The following AGPAT4 variants were observed in gnomAD, a reference collection of about 807,000 sequenced individuals.
The protein encoded by AGPAT4 is 1-acyl-sn-glycerol-3-phosphate acyltransferase delta.
Under a neutral mutation model 48.0 loss-of-function variants are expected in AGPAT4, and 15 were observed. The ratio of observed to expected loss-of-function variants is 0.31; its 90% CI spans 0.21 to 0.48. AGPAT4 has a LOEUF of 0.48. Ranked by LOEUF, AGPAT4 falls within the 20% of genes least tolerant of loss-of-function variation. The pLI, the probability that AGPAT4 is intolerant of heterozygous loss-of-function variation, is 0.99. For missense variants in AGPAT4, 314 were observed against 482.5 expected, an observed-to-expected ratio of 0.65 and a Z score of 3.27; for synonymous variants, 178 against 198.7, an observed-to-expected ratio of 0.90 and a Z score of 0.88.
chr6:161,257,764 C>T (rs1014951101), intron 1 of AGPAT4, among the ~76,000 whole-genome samples: 1 of 152,152 alleles, frequency 6.6e-6, no homozygotes, highest in Admixed American at 6.5e-5. Context: ...GGAAAGACAG[C>T]GTTAGTCCCA....
rs1781710535 is a variant in AGPAT4, at chr6:161,218,243, G to A, written c.178+13793C>T. ...TCTTGTGTGGCAGGGGAGGCAGTAG[G>A]TGGGAGGAAAAAAAGCCCTGATTTA... On this transcript the variant is annotated intron_variant, in intron 2 of 8. Transcript: ENST00000320285. This position sits in a 1 kb window ranked among gnomAD's most constrained non-coding sequence, Gnocchi z 4.7. Among the ~76,000 whole-genome samples, 1 of 152,270 alleles carries A rather than the reference G, an allele frequency of 6.6e-6. No homozygotes were observed. The highest frequency in any genetic ancestry group is 1.5e-5 in the Non-Finnish European group (1 of 68,020).
intron 5 of AGPAT4, among the ~76,000 whole-genome samples, chr6:161,152,036 T>C (rs894794901): frequency 1.3e-5 from 2 of 151,790 alleles, no homozygotes; most frequent in Non-Finnish European, 2.9e-5. Context: ...GCTGGCCCGG[T>C]GGGCCCTCGG....
intron 3 of AGPAT4, chr6:161,160,916 T>C (rs1321075931): frequency 6.9e-6 from 3 of 436,102 alleles, no homozygotes; most frequent in South Asian, 3.2e-5. Flanking sequence ...ATAGGAGCGA[T>C]TGGCCTCGCC....
Position 161,143,072 on chromosome 6 carries a change from C to T in AGPAT4, c.843+3452G>A, listed in dbSNP as rs10945718. Among the ~76,000 whole-genome samples, 27,781 of 152,076 alleles carry T rather than the reference C, an allele frequency of 0.18. 4,098 individuals are homozygous for T. Among genetic ancestry groups the T allele is most frequent in the African/African-American group, 0.41 (16,977 of 41,430 alleles). On this transcript the variant is annotated intron_variant, in intron 7 of 8. Transcript: ENST00000320285. The surrounding 1 kb of genome is among the most constrained non-coding windows in gnomAD (Gnocchi z 4.7). ...CAGGACGGCTCTGAATGTAGCTGTCCTTCACTTATTTCTCTTTAGAGACAG... is the reference window on the plus strand; with the variant it reads ...CAGGACGGCTCTGAATGTAGCTGTCTTTCACTTATTTCTCTTTAGAGACAG...
intron 1 of AGPAT4, among the ~76,000 whole-genome samples, chr6:161,269,665 C>T (rs1001945938): frequency 1.3e-5 from 2 of 152,068 alleles, no homozygotes; most frequent in Non-Finnish European, 2.9e-5. Context: ...AAAGTCATAC[C>T]CCCATGGTTT....
chr6:161,185,560 C>T (rs1339250206), intron 2 of AGPAT4, among the ~76,000 whole-genome samples: 1 of 152,142 alleles, frequency 6.6e-6, no homozygotes, highest in Non-Finnish European at 1.5e-5. Flanking sequence ...TCAATCAACT[C>T]GATACCTGCC....
intron 2 of AGPAT4, among the ~76,000 whole-genome samples, chr6:161,174,636 A>C (rs1323007157): frequency 6.6e-6 from 1 of 151,862 alleles, no homozygotes; most frequent in Non-Finnish European, 1.5e-5. Flanking sequence ...AATACCCTTT[A>C]TTTCTTTCTC....
At chr6:161,239,797 C>T (rs1453860192) in intron 1 of AGPAT4, among the ~76,000 whole-genome samples, 1 of 152,104 alleles carries the variant, frequency 6.6e-6, no homozygotes. Flanking sequence ...TAGAATGGGA[C>T]CCCTAGCCTC....
chr6:161,248,802 C>T (rs895252222), intron 1 of AGPAT4, among the ~76,000 whole-genome samples: 6 of 152,060 alleles, frequency 3.9e-5, no homozygotes, highest in Non-Finnish European at 8.8e-5. Context: ...ACATTCTTCA[C>T]AGTACTATTA....
At chr6:161,194,619 CATGTGTGT>C (rs1363057645) in intron 2 of AGPAT4, among the ~76,000 whole-genome samples, 2 of 148,540 alleles carry the variant, frequency 1.3e-5, no homozygotes, top group Non-Finnish European at 3.0e-5. Flanking sequence ...TGTATGTGTA[CATGTGTGT>C]ATGTGTATGT....
In AGPAT4 at chr6:161,232,913, C is replaced by A. The variant is rs1486402231; in HGVS notation, c.-89-611G>T. The stretch of plus-strand genomic sequence containing the variant: ...ATTTACTTGAAAACCACCACTGTTT[C>A]TCCAGCACATGAGAGCCATCACTGG... On this transcript the variant is annotated intron_variant, in intron 1 of 8. Transcript: ENST00000320285. This position sits in a 1 kb window ranked among gnomAD's most constrained non-coding sequence, Gnocchi z 6.8. Among the ~76,000 whole-genome samples the A allele has an allele frequency of 6.6e-6, 1 of 152,192 alleles. No individual in the cohort carries two copies. Among genetic ancestry groups the A allele is most frequent in the Non-Finnish European group, 1.5e-5 (1 of 68,032 alleles).
At position 161,158,124 on chromosome 6, in the gene AGPAT4, T is replaced by C. The variant is rs1779812793; in HGVS notation, c.349-3814A>G. Among the ~76,000 whole-genome samples, 1 of 152,186 alleles carries C rather than the reference T, an allele frequency of 6.6e-6. No individual in the cohort carries two copies. The highest frequency in any genetic ancestry group is 6.5e-5 in the Admixed American group (1 of 15,288). On this transcript the variant is annotated intron_variant, in intron 3 of 8. Coordinates refer to ENST00000320285, the MANE Select transcript of AGPAT4 (RefSeq NM_020133.3). This position sits in a 1 kb window ranked among gnomAD's most constrained non-coding sequence, Gnocchi z 5.3. ...TGCTTTAGCGTAATAGTAACAACAA[T>C]AGATTACATTTATTTAAGCACAACT... is the stretch of plus-strand genomic sequence containing the variant.
Position 161,236,559 on chromosome 6 carries a change from C to T in AGPAT4, c.-89-4257G>A, listed in dbSNP as rs1244880918. Among the ~76,000 whole-genome samples, 3 of 152,160 alleles carry T rather than the reference C, an allele frequency of 2.0e-5. No individual in the cohort carries two copies. The highest frequency in any genetic ancestry group is 6.5e-5 in the Admixed American group (1 of 15,274). On this transcript the variant is annotated intron_variant, in intron 1 of 8. Transcript: ENST00000320285. This position sits in a 1 kb window ranked among gnomAD's most constrained non-coding sequence, Gnocchi z 5.0. ...AGAAATCTGGCCACAGAGGCTGGCA[C>T]GGTTACCTCTGGGGGCAGACAAGTG...
rs1290151647 is a variant in AGPAT4, at chr6:161,139,855, T to C, written c.844-235A>G. ...GGGAGTGGTGGGGCCGCTGCAGCTG[T>C]CACTGAGTGCAGGGCGTGGAGCATG... On this transcript the variant is annotated intron_variant, in intron 7 of 8. Coordinates refer to ENST00000320285, the MANE Select transcript of AGPAT4 (RefSeq NM_020133.3). The surrounding 1 kb of genome is among the most constrained non-coding windows in gnomAD (Gnocchi z 9.1). Among the ~76,000 whole-genome samples the C allele has an allele frequency of 6.6e-6, 1 of 152,220 alleles. No homozygotes were observed. The highest frequency in any genetic ancestry group is 1.5e-5 in the Non-Finnish European group (1 of 68,030).
chr6:161,216,684 A>C lies in AGPAT4; in HGVS notation c.178+15352T>G, dbSNP rs1278182489. ...AGTTCCACATGGCTGAGGAGTTCTC[A>C]CAATCATGGTGGGAGGCGAAAGGCT... On this transcript the variant is annotated intron_variant, in intron 2 of 8. Coordinates refer to ENST00000320285, the MANE Select transcript of AGPAT4 (RefSeq NM_020133.3). This position sits in a 1 kb window ranked among gnomAD's most constrained non-coding sequence, Gnocchi z 4.8. Among the ~76,000 whole-genome samples, 1 of 152,208 alleles carries C rather than the reference A, an allele frequency of 6.6e-6. No homozygotes were observed. Among genetic ancestry groups the C allele is most frequent in the Non-Finnish European group, 1.5e-5 (1 of 68,042 alleles).
rs1171768177 is a variant in AGPAT4, at chr6:161,142,651, G to C, written c.844-3031C>G. The stretch of plus-strand genomic sequence containing the variant: ...CCAGGGCCCAGGAGAAGAAAGAAGG[G>C]AGAAAAGAACGGGAGGAAGAACAGG... On this transcript the variant is annotated intron_variant, in intron 7 of 8. Transcript: ENST00000320285. This position sits in a 1 kb window ranked among gnomAD's most constrained non-coding sequence, Gnocchi z 6.4. Among the ~76,000 whole-genome samples, 1 of 152,182 alleles carries C rather than the reference G, an allele frequency of 6.6e-6. No homozygotes were observed. Among genetic ancestry groups the C allele is most frequent in the East Asian group, 1.9e-4 (1 of 5,186 alleles).
At chr6:161,150,827 G>A (rs1342891564) in intron 5 of AGPAT4, among the ~76,000 whole-genome samples, 2 of 152,234 alleles carry the variant, frequency 1.3e-5, no homozygotes, top group African/African-American at 4.8e-5. Context: ...TGTTCAGGCT[G>A]TGTGGACCAT....
At chr6:161,174,502 C>T (rs941415861) in intron 2 of AGPAT4, among the ~76,000 whole-genome samples, 1 of 152,126 alleles carries the variant, frequency 6.6e-6, no homozygotes, top group African/African-American at 2.4e-5. Flanking sequence ...ATTTTGTATC[C>T]TGAGACTTTG....
rs1781681206 is a variant in AGPAT4, at chr6:161,217,456, G to T, written c.178+14580C>A. On this transcript the variant is annotated intron_variant, in intron 2 of 8. Coordinates refer to ENST00000320285, the MANE Select transcript of AGPAT4 (RefSeq NM_020133.3). This position sits in a 1 kb window ranked among gnomAD's most constrained non-coding sequence, Gnocchi z 4.9. Reference sequence around the variant, plus strand: ...AACAGCCTGTCACAACGTTGCAGGCGATATCCAAGCCCAAAAGACATGCTT... The same window carrying T: ...AACAGCCTGTCACAACGTTGCAGGCTATATCCAAGCCCAAAAGACATGCTT... 6.6e-6 allele frequency among the ~76,000 whole-genome samples: 1 copy of T among 152,196 alleles called. No homozygotes were observed. The highest frequency in any genetic ancestry group is 6.5e-5 in the Admixed American group (1 of 15,288).
Sources: allele counts gnomAD v4.1 joint callset (sites outside exome capture counted in the v4.1 genomes callset), GRCh38; gene constraint gnomAD v4.1.1; non-coding constraint Gnocchi (gnomAD v3.1); transcripts MANE v1.5; gene names NCBI Gene and HGNC (gene_info 2026-07-23, HGNC 2026-07-21).